FRMD8: variants seen among roughly 807,000 people sequenced by gnomAD.
The protein encoded by FRMD8 is FERM domain containing 8, also known as FERM domain-containing protein 8.
Under a neutral mutation model 54.2 loss-of-function variants are expected in FRMD8, and 37 were observed. That is an observed-to-expected ratio of 0.68 (90% CI 0.53 to 0.90). The LOEUF (loss-of-function observed/expected upper bound fraction) is 0.90. Ranked by LOEUF, FRMD8 falls within the 40% of genes least tolerant of loss-of-function variation. FRMD8 has a pLI of 0.00. For synonymous variants in FRMD8, 246 were observed against 286.9 expected, an observed-to-expected ratio of 0.86 and a Z score of 1.44; for missense variants, 585 against 653.7, an observed-to-expected ratio of 0.89 and a Z score of 1.15.
intron 10 of FRMD8, among the ~76,000 whole-genome samples, chr11:65,409,732 G>C (rs1010916566): frequency 1.3e-5 from 2 of 150,922 alleles, no homozygotes; most frequent in African/African-American, 4.9e-5. Flanking sequence ...CAACACTGCA[G>C]TCCAGCCTGG....
At chr11:65,406,010 T>C (rs1856187787) in intron 10 of FRMD8, among the ~76,000 whole-genome samples, 1 of 151,130 alleles carries the variant, frequency 6.6e-6, no homozygotes, top group Non-Finnish European at 1.5e-5. Context: ...TATATATATA[T>C]ATTTTTTTTA....
At chr11:65,390,229 G>A (rs1288499392) in intron 3 of FRMD8, among the ~76,000 whole-genome samples, 1 of 152,112 alleles carries the variant, frequency 6.6e-6, no homozygotes, top group East Asian at 1.9e-4. Flanking sequence ...CTTAAGGGCG[G>A]TGGCTCTCTA....
chr11:65,381,935 A>T, upstream of FRMD8: 1 of 1,614,064 alleles, frequency 6.2e-7, no homozygotes, highest in Non-Finnish European at 8.5e-7. Flanking sequence ...GCCAGCCACA[A>T]ATTCCTCCAC....
upstream of FRMD8, chr11:65,382,231 G>A (rs1167262206): frequency 3.8e-6 from 2 of 519,656 alleles, no homozygotes; most frequent in South Asian, 4.4e-5. This position sits in a 1 kb window ranked among gnomAD's most constrained non-coding sequence, Gnocchi z 4.4. Flanking sequence ...AATGATCCTC[G>A]CTCTGAGGAT....
intron 10 of FRMD8, among the ~76,000 whole-genome samples, chr11:65,407,686 C>A (rs1007512928): frequency 6.6e-6 from 1 of 151,750 alleles, no homozygotes; most frequent in Non-Finnish European, 1.5e-5. Flanking sequence ...GTCAGGAGAT[C>A]GAGACCATCC....
At chr11:65,399,288 C>G (rs931043512) in intron 7 of FRMD8, among the ~76,000 whole-genome samples, 1 of 152,038 alleles carries the variant, frequency 6.6e-6, no homozygotes, top group Admixed American at 6.6e-5. Flanking sequence ...CATGAGCCAC[C>G]GCGCCCAGCC....
the FRMD8 span, chr11:65,376,368 C>T: frequency 1.3e-5 from 21 of 1,601,264 alleles, no homozygotes; most frequent in African/African-American, 2.7e-5. Flanking sequence ...GCCTCCAGGC[C>T]GTGGGCCTGA....
At chr11:65,376,243 C>T in the FRMD8 span, 1 of 859,050 alleles carries the variant, frequency 1.2e-6, no homozygotes, top group Non-Finnish European at 1.8e-6. Flanking sequence ...GCTTCCGGCT[C>T]CCACAGGTGT....
chr11:65,398,472 G>C (rs544519950), intron 7 of FRMD8, among the ~76,000 whole-genome samples: 1 of 152,366 alleles, frequency 6.6e-6, no homozygotes, highest in South Asian at 2.1e-4. Context: ...GTGTGGGCCA[G>C]GTGAGAAGGG....
At chr11:65,380,091 G>C in the FRMD8 span, 1 of 1,600,840 alleles carries the variant, frequency 6.2e-7, no homozygotes, top group Non-Finnish European at 8.6e-7. Context: ...ATTTGGGTCA[G>C]GTGAGATCTT....
chr11:65,400,422 G>A lies in FRMD8; in HGVS notation c.928-302G>A, dbSNP rs1319547082. On this transcript the variant is annotated intron_variant, in intron 8 of 10. Coordinates refer to ENST00000317568, the MANE Select transcript of FRMD8 (RefSeq NM_031904.5). The surrounding 1 kb of genome is among the most constrained non-coding windows in gnomAD (Gnocchi z 4.3). The stretch of plus-strand genomic sequence containing the variant: ...AGCTCAGCCTCATGCTAGATGCCAC[G>A]CCCGACCTCATAGAAGAGACTCCGC... Among the ~76,000 whole-genome samples the A allele has an allele frequency of 6.6e-6, 1 of 152,102 alleles. No individual in the cohort carries two copies. The highest frequency in any genetic ancestry group is 2.4e-5 in the African/African-American group (1 of 41,416).
the FRMD8 span, among the ~76,000 whole-genome samples, chr11:65,368,491 G>A: frequency 2.0e-4 from 30 of 152,258 alleles, no homozygotes; most frequent in African/African-American, 6.7e-4. Context: ...GATCACAGGT[G>A]TGAGCCATTG....
the FRMD8 span, chr11:65,379,603 C>G: frequency 6.4e-7 from 1 of 1,560,280 alleles, no homozygotes; most frequent in Non-Finnish European, 8.7e-7. Flanking sequence ...CACCGTGGGG[C>G]CTCCCCTTTG....
Position 65,404,158 on chromosome 11 carries a change from T to G in FRMD8, c.1072-706T>G, listed in dbSNP as rs1280730827. The stretch of plus-strand genomic sequence containing the variant: ...CCAGCATCTGACCCAGCCCCACCAG[T>G]CAGGAGCACAGGTGGCCATTCCTGT... On this transcript the variant is annotated intron_variant, in intron 9 of 10. Coordinates refer to ENST00000317568, the MANE Select transcript of FRMD8 (RefSeq NM_031904.5). The surrounding 1 kb of genome is among the most constrained non-coding windows in gnomAD (Gnocchi z 4.7). Among the ~76,000 whole-genome samples the G allele has an allele frequency of 2.0e-5, 3 of 152,176 alleles. No homozygotes were observed. The highest frequency in any genetic ancestry group is 4.4e-5 in the Non-Finnish European group (3 of 68,024).
intron 2 of FRMD8, among the ~76,000 whole-genome samples, chr11:65,387,873 C>T (rs1855765100): frequency 6.6e-6 from 1 of 151,956 alleles, no homozygotes; most frequent in Non-Finnish European, 1.5e-5. Context: ...CTTTTGAAAG[C>T]AGGGATCAGG....
rs1188425636 is a variant in FRMD8, at chr11:65,400,380, C to T, written c.928-344C>T. Among the ~76,000 whole-genome samples the T allele has an allele frequency of 2.6e-5, 4 of 152,142 alleles. No homozygotes were observed. The highest frequency in any genetic ancestry group is 1.9e-4 in the East Asian group (1 of 5,184). On this transcript the variant is annotated intron_variant, in intron 8 of 10. Transcript: ENST00000317568. The surrounding 1 kb of genome is among the most constrained non-coding windows in gnomAD (Gnocchi z 4.3). The stretch of plus-strand genomic sequence containing the variant: ...CCCCAGCCCCTGCTGCCATCTGTGT[C>T]CTGGGAGGCAGGGCCCAGCTCAGCC...
intron 9 of FRMD8, among the ~76,000 whole-genome samples, chr11:65,403,657 T>C (rs1412496702): frequency 6.6e-6 from 1 of 152,156 alleles, no homozygotes; most frequent in Non-Finnish European, 1.5e-5. Flanking sequence ...AGAGAGAACA[T>C]TGTCTTTCAC....
At chr11:65,377,071 G>A in the FRMD8 span, 2 of 1,613,248 alleles carry the variant, frequency 1.2e-6, no homozygotes, top group Non-Finnish European at 1.7e-6. Flanking sequence ...GAGCCAGACA[G>A]TAGGCCTGTT....
chr11:65,397,385 G>A (rs1467225022), intron 7 of FRMD8, among the ~76,000 whole-genome samples: 1 of 152,270 alleles, frequency 6.6e-6, no homozygotes, highest in Non-Finnish European at 1.5e-5. Flanking sequence ...CTGAGCCAGA[G>A]ACACCGTGCC....
Sources: gnomAD v4.1 joint callset for allele counts (sites outside exome capture counted in the v4.1 genomes callset) on GRCh38, gnomAD v4.1.1 for gene constraint, Gnocchi (gnomAD v3.1) non-coding constraint, MANE v1.5 for transcripts, NCBI Gene and HGNC (gene_info 2026-07-23, HGNC 2026-07-21) for gene names.